Variants in SLC39A11 observed in about 807,000 individuals in gnomAD.
The protein encoded by SLC39A11 is solute carrier family 39 member 11, also known as zinc transporter ZIP11.
Under a neutral mutation model 36.1 loss-of-function variants are expected in SLC39A11, and 33 were observed. The ratio of observed to expected loss-of-function variants is 0.91; its 90% CI spans 0.69 to 1.22. The LOEUF (loss-of-function observed/expected upper bound fraction) is 1.22, where lower values mean the gene tolerates loss of function less well. SLC39A11 is among the 50% of genes most tolerant of loss of function. The pLI is 0.00. For synonymous variants in SLC39A11, 166 were observed against 170.3 expected (o/e 0.97, Z 0.20); for missense variants, 432 against 430.3 (o/e 1.00, Z -0.03).
chr17:72,947,656 T>C, intron 5 of SLC39A11, 96 bp downstream of exon 5: 2 of 1,566,432 alleles, frequency 1.3e-6, no homozygotes, highest in South Asian at 1.1e-5. Context: ...GGCATTTCTC[T>C]CACTATTCAT....
intron 4 of SLC39A11, among the ~76,000 whole-genome samples, chr17:72,996,032 G>A (rs1234816878): frequency 1.3e-5 from 2 of 151,808 alleles, no homozygotes; most frequent in Admixed American, 1.3e-4. Context: ...CTAGCCTATT[G>A]TAGTAGCTGG....
At chr17:72,946,982 C>G (rs1010583995) in intron 5 of SLC39A11, among the ~76,000 whole-genome samples, 1 of 152,220 alleles carries the variant, frequency 6.6e-6, no homozygotes, top group Non-Finnish European at 1.5e-5. Context: ...ACTATGCTGT[C>G]AGCATCTTTA....
At chr17:72,895,084 G>T (rs1031446699) in intron 5 of SLC39A11, among the ~76,000 whole-genome samples, 1 of 150,878 alleles carries the variant, frequency 6.6e-6, no homozygotes, top group African/African-American at 2.5e-5. Context: ...GGTAGCTATT[G>T]CTAGTTGCAT....
intron 7 of SLC39A11, among the ~76,000 whole-genome samples, chr17:72,649,775 T>C (rs1748970294): frequency 2.0e-5 from 3 of 151,998 alleles, no homozygotes; most frequent in Admixed American, 2.0e-4. Context: ...GTATTTTTAG[T>C]AGAGATGGGG....
intron 6 of SLC39A11, among the ~76,000 whole-genome samples, chr17:72,793,080 G>T (rs541004340): frequency 1.3e-5 from 2 of 152,280 alleles, no homozygotes; most frequent in Admixed American, 6.5e-5. Context: ...GCATCCTGGA[G>T]GCTCTGGTCA....
intron 4 of SLC39A11, among the ~76,000 whole-genome samples, chr17:72,973,678 C>A (rs1160791910): frequency 1.3e-5 from 2 of 152,162 alleles, no homozygotes; most frequent in African/African-American, 4.8e-5. Flanking sequence ...CCCACTTCAG[C>A]TTCCCAAGTA....
At chr17:73,090,575 C>A (rs1007280124) in intron 1 of SLC39A11, among the ~76,000 whole-genome samples, 6 of 152,214 alleles carry the variant, frequency 3.9e-5, no homozygotes, top group Admixed American at 1.3e-4. Context: ...AAGAACAGCA[C>A]AAAGGGATCA....
chr17:72,647,765 A>G (rs2069627196), intron 9 of SLC39A11, 103 bp from the exon 10 acceptor site: 1 of 842,068 alleles, frequency 1.2e-6, no homozygotes, highest in Non-Finnish European at 1.9e-6. Context: ...GAGAAAGCAC[A>G]CTACCATTAA....
intron 7 of SLC39A11, among the ~76,000 whole-genome samples, chr17:72,702,872 G>T (rs1191092199): frequency 7.3e-6 from 1 of 136,358 alleles, no homozygotes; most frequent in East Asian, 2.3e-4. Context: ...TGGAGGTGGA[G>T]GTTGCAGTGA....
intron 6 of SLC39A11, among the ~76,000 whole-genome samples, chr17:72,775,841 C>T (rs1366362888): frequency 6.6e-6 from 1 of 152,230 alleles, no homozygotes; most frequent in Admixed American, 6.5e-5. Flanking sequence ...TTAGCTCTTA[C>T]TCTTCTGCTG....
chr17:73,010,106 C>A (rs1322934165), intron 4 of SLC39A11, among the ~76,000 whole-genome samples: 8 of 152,068 alleles, frequency 5.3e-5, no homozygotes, highest in Admixed American at 5.2e-4. Flanking sequence ...GGTTCTCTGA[C>A]TAGAGGGAGC....
chr17:73,009,785 C>T (rs536401347), intron 4 of SLC39A11, among the ~76,000 whole-genome samples: 15 of 152,142 alleles, frequency 9.9e-5, no homozygotes, highest in African/African-American at 3.1e-4. Flanking sequence ...ATGTGCACAA[C>T]GTGCAGGTTT....
At chr17:72,704,780 T>C (rs978342801) in intron 7 of SLC39A11, among the ~76,000 whole-genome samples, 90 of 152,166 alleles carry the variant, frequency 5.9e-4, no homozygotes, top group Non-Finnish European at 1.6e-4. Context: ...GCTCTAGGGA[T>C]AAACTGTGAC....
intron 7 of SLC39A11, among the ~76,000 whole-genome samples, chr17:72,711,445 T>C (rs2073100895): frequency 6.6e-6 from 1 of 152,192 alleles, no homozygotes. Flanking sequence ...ACCAAGGGGC[T>C]AGAGATGGTA....
intron 6 of SLC39A11, among the ~76,000 whole-genome samples, chr17:72,756,965 T>C (rs1367283165): frequency 7.0e-6 from 1 of 142,148 alleles, no homozygotes; most frequent in East Asian, 2.0e-4. Flanking sequence ...TTGGCCAACA[T>C]GGTGAAACCC....
At chr17:72,665,398 T>TGTTTTG (rs1555631661) in intron 7 of SLC39A11, among the ~76,000 whole-genome samples, 73 of 130,262 alleles carry the variant, frequency 5.6e-4, no homozygotes, top group Middle Eastern at 3.8e-3. Context: ...TGTTTTTTTT[T>TGTTTTG]TTTTTTTTTT....
chr17:73,015,495 C>T (rs1388166467), intron 4 of SLC39A11, among the ~76,000 whole-genome samples: 1 of 152,176 alleles, frequency 6.6e-6, no homozygotes, highest in African/African-American at 2.4e-5. Context: ...TTCAATGTAC[C>T]CTGTATGCCA....
intron 5 of SLC39A11, among the ~76,000 whole-genome samples, chr17:72,868,323 TTTAACC>T (rs556407154): frequency 4.0e-4 from 61 of 152,108 alleles, no homozygotes; most frequent in African/African-American, 1.4e-3. Flanking sequence ...TTGGTATAAC[TTTAACC>T]TTAATATTCA....
intron 6 of SLC39A11, among the ~76,000 whole-genome samples, chr17:72,794,476 C>T (rs148246276): frequency 2.0e-5 from 3 of 152,146 alleles, no homozygotes; most frequent in East Asian, 3.9e-4. Context: ...CTTCTCATCA[C>T]TCTAAAGATG....
Sources: gnomAD v4.1 joint callset for allele counts (sites outside exome capture counted in the v4.1 genomes callset) on GRCh38, gnomAD v4.1.1 for gene constraint, MANE v1.5 for transcripts, NCBI Gene and HGNC (gene_info 2026-07-23, HGNC 2026-07-21) for gene names.